The following LRBA variants were observed in gnomAD, a reference collection of about 807,000 sequenced individuals.
The protein encoded by LRBA is LPS responsive beige-like anchor protein.
A neutral mutation model predicts 330.0 loss-of-function variants in LRBA; 176 were observed. The ratio of observed to expected loss-of-function variants is 0.53; its 90% confidence interval spans 0.47 to 0.60. The LOEUF is 0.60. Among genes scored for constraint, LRBA ranks in the 20% least tolerant of loss-of-function variants. The pLI is 0.00. For synonymous variants in LRBA, 1,230 were observed against 1,193.0 expected (o/e 1.03, Z -0.64); for missense variants, 3,259 against 3,444.8 (o/e 0.95, Z 1.35).
At chr4:150,271,741 G>C (rs1746132618) in intron 56 of LRBA, among the ~76,000 whole-genome samples, 1 of 152,208 alleles carries the variant, frequency 6.6e-6, no homozygotes, top group African/African-American at 2.4e-5. Context: ...CAAAGCCTCT[G>C]GGGAGTTCGA....
At position 150,908,730 on chromosome 4, in the gene LRBA, A is replaced by G. The variant is rs745566774; in HGVS notation, c.1289T>C (p.Leu430Pro). ...GTCCTTAGGAGATGATTCAAGACAA[A>G]GCTGGGCATCTGTAGCCCGTGGATT... ...TYNPRATDAQ[L>P]CLESSPKDNP... Residue 430 changes from leucine to proline, a missense_variant, in exon 10 of 57, where the codon CTT (leucine) becomes CCT (proline). Physicochemically the swap from Leu to Pro is moderately conservative, Grantham distance 98. Transcript: ENST00000651943. 1 of 1,613,992 alleles carries G rather than the reference A, an allele frequency of 6.2e-7. No homozygotes were observed. Among genetic ancestry groups the G allele is most frequent in the Non-Finnish European group, 8.5e-7 (1 of 1,179,886 alleles).
intron 40 of LRBA, among the ~76,000 whole-genome samples, chr4:150,575,856 A>G (rs572189922): frequency 6.6e-6 from 1 of 152,042 alleles, no homozygotes; most frequent in East Asian, 1.9e-4. Context: ...AACAAAAGAT[A>G]TCACACCTTG....
intron 37 of LRBA, among the ~76,000 whole-genome samples, chr4:150,639,826 T>C (rs1465785419): frequency 2.7e-4 from 3 of 11,070 alleles, no homozygotes; most frequent in Non-Finnish European, 7.2e-4. Flanking sequence ...TGTGTATATA[T>C]ATATATATAT....
chr4:150,380,637 A>T (rs1742073015), intron 47 of LRBA, among the ~76,000 whole-genome samples: 1 of 152,076 alleles, frequency 6.6e-6, no homozygotes, highest in African/African-American at 2.4e-5. Context: ...GGAAAAGAAG[A>T]TGTCTACTTA....
At chr4:150,825,644 T>A (rs960100653) in intron 30 of LRBA, among the ~76,000 whole-genome samples, 1 of 152,114 alleles carries the variant, frequency 6.6e-6, no homozygotes, top group Non-Finnish European at 1.5e-5. Context: ...ACTGGGAAGT[T>A]TGTCTCTCCA....
At chr4:150,455,543 G>C (rs1753955611) in intron 44 of LRBA, among the ~76,000 whole-genome samples, 1 of 151,888 alleles carries the variant, frequency 6.6e-6, no homozygotes, top group Non-Finnish European at 1.5e-5. Flanking sequence ...ATTTTTATAG[G>C]TACATAGTTT....
intron 2 of LRBA, among the ~76,000 whole-genome samples, chr4:150,975,458 G>A (rs763316259): frequency 2.0e-5 from 3 of 151,580 alleles, no homozygotes; most frequent in Non-Finnish European, 4.4e-5. Context: ...CCCGGGAGAC[G>A]GAGGTTGCAG....
chr4:150,596,513 T>C (rs538885009), intron 38 of LRBA, among the ~76,000 whole-genome samples: 11 of 152,042 alleles, frequency 7.2e-5, no homozygotes, highest in African/African-American at 2.6e-4. Context: ...AAGTGAGAAG[T>C]CATAAAAATA....
chr4:150,669,579 T>C (rs1362754783), intron 37 of LRBA, among the ~76,000 whole-genome samples: 1 of 146,896 alleles, frequency 6.8e-6, no homozygotes. Context: ...ATATTTTCTC[T>C]TTTTTTTTTT....
chr4:150,995,100 G>A (rs938739762), intron 2 of LRBA, among the ~76,000 whole-genome samples: 4 of 151,998 alleles, frequency 2.6e-5, no homozygotes, highest in African/African-American at 7.3e-5. Context: ...TCCCAGTCTC[G>A]GTGGAAGAGA....
chr4:150,609,102 T>C (rs1430747436), intron 37 of LRBA, among the ~76,000 whole-genome samples: 1 of 152,256 alleles, frequency 6.6e-6, no homozygotes, highest in African/African-American at 2.4e-5. Flanking sequence ...TTCACTTCTC[T>C]CCTCTTTCCT....
chr4:150,575,589 C>A lies in LRBA; in HGVS notation c.6330+12459G>T, dbSNP rs556462261. On this transcript the variant is annotated intron_variant, in intron 40 of 56. Transcript: ENST00000651943. ...ACTAATAATTTTAAACATAGACCCA[C>A]AAAATGTCTCATATGACCTGAAAGA... Among the ~76,000 whole-genome samples the A allele has an allele frequency of 9.2e-5, 14 of 151,930 alleles. No homozygotes were observed. In the South Asian group the frequency reaches 1.5e-3, roughly 16 times the overall value.
rs1488646934 is a variant in LRBA, at chr4:150,852,116, T to C, written c.3594A>G (p.Gln1198=). 2 of 1,614,096 alleles carry C rather than the reference T, an allele frequency of 1.2e-6. No individual in the cohort carries two copies. Among genetic ancestry groups the C allele is most frequent in the Admixed American group, 1.7e-5 (1 of 60,022 alleles). The change falls in exon 23 of 57, where the codon CAA becomes CAG. Residue 1198 remains glutamine (Q), a synonymous_variant. Coordinates refer to ENST00000651943, the MANE Select transcript of LRBA (RefSeq NM_001364905.1). ...SAMSPETTVS[Q]IAVESDLGQM... ...GACCAAGGTCTGATTCTACAGCTAT[T>C]TGGGAAACAGTAGTTTCTGGTGACA...
At position 150,758,724 on chromosome 4, in the gene LRBA, C is replaced by T. The variant is rs1199049234; in HGVS notation, c.5645+3059G>A. ...ATGTAGCTGGGACCACAGGTGCATGCCACCATACCCAACTAATTCTTTTTA... is the reference window on the plus strand; with the variant it reads ...ATGTAGCTGGGACCACAGGTGCATGTCACCATACCCAACTAATTCTTTTTA... On this transcript the variant is annotated intron_variant, in intron 35 of 56. Coordinates refer to ENST00000651943, the MANE Select transcript of LRBA (RefSeq NM_001364905.1). 2.6e-5 allele frequency among the ~76,000 whole-genome samples: 4 copies of T among 151,826 alleles called. No individual in the cohort carries two copies. The South Asian group carries it at 6.3e-4, about 24-fold the overall frequency.
intron 56 of LRBA, among the ~76,000 whole-genome samples, chr4:150,269,742 A>G (rs905081350): frequency 6.6e-6 from 1 of 152,090 alleles, no homozygotes; most frequent in Non-Finnish European, 1.5e-5. Context: ...TGAGCCCAGG[A>G]GTTTAAGACC....
At chr4:150,911,295 G>A (rs776021140) in intron 9 of LRBA, among the ~76,000 whole-genome samples, 5 of 152,070 alleles carry the variant, frequency 3.3e-5, no homozygotes, top group Non-Finnish European at 5.9e-5. Flanking sequence ...GTTTTTCACT[G>A]TTCAGTATTG....
intron 44 of LRBA, 28 bp downstream of exon 44, chr4:150,467,645 A>T (rs1755605431): frequency 7.8e-7 from 1 of 1,288,088 alleles, no homozygotes; most frequent in African/African-American, 1.5e-5. Context: ...CAAGACAATT[A>T]TATTTCACAT....
At chr4:150,907,030 T>C (rs983740513) in intron 11 of LRBA, among the ~76,000 whole-genome samples, 1 of 150,310 alleles carries the variant, frequency 6.7e-6, no homozygotes, top group African/African-American at 2.5e-5. Flanking sequence ...TAAAACTGAA[T>C]AGGGGCTACA....
intron 2 of LRBA, among the ~76,000 whole-genome samples, chr4:150,981,280 G>A (rs1740800926): frequency 2.0e-5 from 3 of 151,986 alleles, no homozygotes; most frequent in South Asian, 2.1e-4. Context: ...AGGTGTGCTG[G>A]CATGCACCTG....
Sources: gnomAD v4.1 joint callset for allele counts (sites outside exome capture counted in the v4.1 genomes callset) on GRCh38, gnomAD v4.1.1 for gene constraint, MANE v1.5 for transcripts, NCBI Gene and HGNC (gene_info 2026-07-23, HGNC 2026-07-21) for gene names.